The following EXOC4 variants were observed in gnomAD, a reference collection of about 807,000 sequenced individuals.
The protein encoded by EXOC4 is SEC8-like 1.
A neutral mutation model predicts 107.2 loss-of-function variants in EXOC4; 71 were observed. The ratio of observed to expected loss-of-function variants is 0.66; its 90% CI spans 0.55 to 0.81. The LOEUF (loss-of-function observed/expected upper bound fraction) is 0.81, where lower values mean the gene tolerates loss of function less well. Among genes scored for constraint, EXOC4 ranks in the 30% least tolerant of loss-of-function variants. The pLI, the probability that EXOC4 is intolerant of heterozygous loss-of-function variation, is 0.00. For missense variants in EXOC4, 1,108 were observed against 1,189.6 expected (o/e 0.93, Z 1.01); for synonymous variants, 456 against 441.2 (o/e 1.03, Z -0.42).
chr7:133,594,280 GAGAT>G (rs1364165761), intron 9 of EXOC4, among the ~76,000 whole-genome samples: 20 of 152,116 alleles, frequency 1.3e-4, no homozygotes, highest in African/African-American at 4.8e-4. Flanking sequence ...CAGATAATGA[GAGAT>G]AGAGTAAAAA....
At chr7:133,947,330 T>C (rs1284454741) in intron 14 of EXOC4, among the ~76,000 whole-genome samples, 1 of 152,174 alleles carries the variant, frequency 6.6e-6, no homozygotes, top group Non-Finnish European at 1.5e-5. Context: ...TCTCAAGTTG[T>C]GTGGTTGCTT....
At chr7:133,466,866 C>G (rs1230442029) in intron 7 of EXOC4, among the ~76,000 whole-genome samples, 3 of 151,990 alleles carry the variant, frequency 2.0e-5, no homozygotes, top group African/African-American at 7.2e-5. Flanking sequence ...AAATAAAGAA[C>G]CAAAGTCACA....
chr7:133,741,230 G>A (rs1022893348), intron 10 of EXOC4, among the ~76,000 whole-genome samples: 22 of 151,770 alleles, frequency 1.4e-4, no homozygotes, highest in Non-Finnish European at 1.0e-4. Flanking sequence ...CTCTCTTCCC[G>A]TTCTTGCCTC....
rs796395763 is a variant in EXOC4, at chr7:133,648,578, T to C, written c.1514+18437T>C. Among the ~76,000 whole-genome samples the C allele has an allele frequency of 8.5e-5, 13 of 152,308 alleles. No individual in the cohort carries two copies. The South Asian group carries it at 2.1e-3, about 24-fold the overall frequency. On this transcript the variant is annotated intron_variant, in intron 10 of 17. Transcript: ENST00000253861. ...GTCCTTATTTTATAGTAGGATGATA[T>C]AGTGCGTGCCATAAAAGGGGAGGAA...
intron 7 of EXOC4, among the ~76,000 whole-genome samples, chr7:133,433,230 C>G (rs1356188475): frequency 6.6e-6 from 1 of 152,172 alleles, no homozygotes; most frequent in Non-Finnish European, 1.5e-5. Flanking sequence ...AGCAAATATT[C>G]ATTCCCTAAC....
At chr7:133,478,666 T>G (rs968653936) in intron 8 of EXOC4, among the ~76,000 whole-genome samples, 5 of 152,220 alleles carry the variant, frequency 3.3e-5, no homozygotes, top group African/African-American at 7.2e-5. Context: ...TGTGGAGGAC[T>G]TTATTACCCT....
intron 7 of EXOC4, among the ~76,000 whole-genome samples, chr7:133,424,476 T>C (rs1797679411): frequency 6.6e-6 from 1 of 150,968 alleles, no homozygotes; most frequent in South Asian, 2.1e-4. Flanking sequence ...AGCAACAAAC[T>C]CCGGACACAC....
intron 9 of EXOC4, among the ~76,000 whole-genome samples, chr7:133,595,356 G>A (rs1801641944): frequency 6.6e-6 from 1 of 152,116 alleles, no homozygotes; most frequent in Non-Finnish European, 1.5e-5. Context: ...CCTGTCTTTT[G>A]TCCCTTGCTA....
chr7:133,820,212 A>T (rs1188612691), intron 11 of EXOC4, among the ~76,000 whole-genome samples: 1 of 148,410 alleles, frequency 6.7e-6, no homozygotes, highest in East Asian at 1.9e-4. Flanking sequence ...TTCATTAAAA[A>T]AATTTATTTT....
intron 5 of EXOC4, among the ~76,000 whole-genome samples, chr7:133,324,694 G>C (rs1199430768): frequency 6.6e-6 from 1 of 152,190 alleles, no homozygotes; most frequent in African/African-American, 2.4e-5. Flanking sequence ...CTGTTGATTT[G>C]TGGTGGAGAG....
chr7:133,967,112 T>C (rs1256694046), intron 14 of EXOC4, among the ~76,000 whole-genome samples: 1 of 152,234 alleles, frequency 6.6e-6, no homozygotes, highest in Non-Finnish European at 1.5e-5. Context: ...TTTATTCACA[T>C]AGAGGTGTTT....
At chr7:133,934,726 G>A (rs1164244118) in intron 13 of EXOC4, among the ~76,000 whole-genome samples, 1 of 152,074 alleles carries the variant, frequency 6.6e-6, no homozygotes, top group African/African-American at 2.4e-5. Flanking sequence ...GGCATTTTTT[G>A]TGTTATATCT....
At chr7:133,877,768 A>T (rs952878869) in intron 11 of EXOC4, among the ~76,000 whole-genome samples, 3 of 152,196 alleles carry the variant, frequency 2.0e-5, no homozygotes, top group Non-Finnish European at 2.9e-5. Context: ...GTTTGCACAC[A>T]TGTGCTCTCT....
At position 134,023,472 on chromosome 7, in the gene EXOC4, TTGAG is replaced by T. The variant is rs201840672; in HGVS notation, c.2687+15639_2687+15642del. On this transcript the variant is annotated intron_variant, in intron 17 of 17. Transcript: ENST00000253861. Reference sequence around the variant, plus strand: ...TTTTAATATTAATAACTACTATGAATTGAGTATTTATTTTGTATAACTTATGTGA... The same window carrying T: ...TTTTAATATTAATAACTACTATGAATTATTTATTTTGTATAACTTATGTGA... Among the ~76,000 whole-genome samples, 180 of 152,276 alleles carry T rather than the reference TTGAG, an allele frequency of 1.2e-3. 1 individual carries two copies. In the East Asian group the frequency reaches 0.027, roughly 23 times the overall value.
At chr7:133,380,893 T>C (rs572055511) in intron 7 of EXOC4, among the ~76,000 whole-genome samples, 3 of 152,340 alleles carry the variant, frequency 2.0e-5, no homozygotes, top group Non-Finnish European at 4.4e-5. Context: ...TTCATGTATT[T>C]TGTTTAATTG....
intron 6 of EXOC4, among the ~76,000 whole-genome samples, chr7:133,358,290 C>A (rs1249821263): frequency 6.6e-6 from 1 of 152,098 alleles, no homozygotes; most frequent in Non-Finnish European, 1.5e-5. Flanking sequence ...ACTTTGTATC[C>A]CCACTTTGTG....
At chr7:133,418,406 GT>G (rs1483819211) in intron 7 of EXOC4, among the ~76,000 whole-genome samples, 8 of 152,168 alleles carry the variant, frequency 5.3e-5, no homozygotes, top group African/African-American at 1.7e-4. Flanking sequence ...CAGGCTCAGA[GT>G]TACTTTCACA....
chr7:133,353,654 T>G (rs1341581083), intron 5 of EXOC4, among the ~76,000 whole-genome samples: 4 of 152,224 alleles, frequency 2.6e-5, no homozygotes, highest in East Asian at 1.9e-4. Flanking sequence ...TTTTTGAGCT[T>G]CTTGGATGTT....
At chr7:133,584,596 T>TTG (rs1801357073) in intron 9 of EXOC4, among the ~76,000 whole-genome samples, 1 of 147,418 alleles carries the variant, frequency 6.8e-6, no homozygotes. Flanking sequence ...TTTTTTTTTT[T>TTG]GAGACAGAGT....
Sources: gnomAD v4.1 joint callset for allele counts (sites outside exome capture counted in the v4.1 genomes callset) on GRCh38, gnomAD v4.1.1 for gene constraint, MANE v1.5 for transcripts, NCBI Gene and HGNC (gene_info 2026-07-23, HGNC 2026-07-21) for gene names.